NRXN3: variants seen among roughly 807,000 people sequenced by gnomAD.
The protein encoded by NRXN3 is neurexin 3.
In NRXN3, 32 loss-of-function variants were observed where a neutral mutation model predicts 137.6. The observed-to-expected ratio is 0.23, with a 90% CI of 0.18 to 0.31. NRXN3 has a LOEUF of 0.31. Among genes scored for constraint, NRXN3 ranks in the 10% least tolerant of loss-of-function variants. NRXN3 has a pLI of 1.00. For synonymous variants in NRXN3, 798 were observed against 784.5 expected, an observed-to-expected ratio of 1.02 and a Z score of -0.29; for missense variants, 1,574 against 2,062.5, an observed-to-expected ratio of 0.76 and a Z score of 4.59.
chr14:78,806,399 C>T (rs2098869753), intron 9 of NRXN3, among the ~76,000 whole-genome samples: 1 of 152,104 alleles, frequency 6.6e-6, no homozygotes, highest in Admixed American at 6.6e-5. Context: ...ATTTGTGTTT[C>T]ATTTTTCTCA....
At chr14:78,457,328 A>G (rs2094773557) in intron 4 of NRXN3, among the ~76,000 whole-genome samples, 1 of 152,144 alleles carries the variant, frequency 6.6e-6, no homozygotes, top group Non-Finnish European at 1.5e-5. Flanking sequence ...CACCACGCCC[A>G]GCCAGGATTA....
chr14:78,549,901 G>T (rs1189324439), intron 4 of NRXN3, among the ~76,000 whole-genome samples: 7 of 151,936 alleles, frequency 4.6e-5, no homozygotes, highest in Non-Finnish European at 1.0e-4. Flanking sequence ...TGAACATCAA[G>T]CTCCTCCCAC....
At chr14:78,282,554 C>T (rs887244843) in intron 3 of NRXN3, 4 of 168,408 alleles carry the variant, frequency 2.4e-5, no homozygotes, top group Non-Finnish European at 5.2e-5. Context: ...AGGAAATAGG[C>T]CTCCTGCTTC....
chr14:78,515,942 A>C (rs1189921541), intron 4 of NRXN3, among the ~76,000 whole-genome samples: 1 of 152,154 alleles, frequency 6.6e-6, no homozygotes, highest in African/African-American at 2.4e-5. Flanking sequence ...TAAGCACTTT[A>C]ATCCACAGTT....
chr14:78,258,798 G>C (rs2070141212), intron 2 of NRXN3, among the ~76,000 whole-genome samples: 1 of 152,084 alleles, frequency 6.6e-6, no homozygotes, highest in African/African-American at 2.4e-5. Context: ...TATTCATGTT[G>C]GTTTTTCTTC....
chr14:78,576,477 A>G (rs1386300445), intron 4 of NRXN3, among the ~76,000 whole-genome samples: 4 of 152,204 alleles, frequency 2.6e-5, no homozygotes, highest in Non-Finnish European at 4.4e-5. Flanking sequence ...CTACCCAGAG[A>G]AAACTACTAT....
intron 19 of NRXN3, among the ~76,000 whole-genome samples, chr14:79,802,147 T>A (rs1047813708): frequency 6.6e-6 from 1 of 152,234 alleles, no homozygotes; most frequent in African/African-American, 2.4e-5. Context: ...TATGTTTTGG[T>A]TTCTACTGAA....
chr14:78,521,122 A>G, intron 4 of NRXN3, among the ~76,000 whole-genome samples: 1 of 152,142 alleles, frequency 6.6e-6, no homozygotes, highest in East Asian at 1.9e-4. Context: ...TTTATGGGGG[A>G]TCCATTGCAT....
At chr14:79,791,157 C>T (rs1473480696) in intron 19 of NRXN3, 1 of 152,174 alleles carries the variant, frequency 6.6e-6, no homozygotes, top group Admixed American at 6.5e-5. Context: ...GAGCTTTCCT[C>T]ATCAGGCTGA....
At chr14:79,646,742 C>T (rs1419210752) in intron 16 of NRXN3, among the ~76,000 whole-genome samples, 1 of 135,614 alleles carries the variant, frequency 7.4e-6, no homozygotes, top group Admixed American at 7.8e-5. Context: ...GTTTCTCCAT[C>T]TACACTATGC....
rs33919299 is a variant in NRXN3 at position 78,601,457 on chromosome 14, CTT to C, written c.758-43651_758-43650del. On this transcript the variant is annotated intron_variant, in intron 4 of 20. Transcript: ENST00000335750. ...TTCTATAGCCTGAAAAGTACTGATTCTTTTTTTTTTTTTGAGATGGAATCTCA... is the reference window on the plus strand; with the variant it reads ...TTCTATAGCCTGAAAAGTACTGATTCTTTTTTTTTTTGAGATGGAATCTCA... Among the ~76,000 whole-genome samples, 27 of 143,966 alleles carry C rather than the reference CTT, an allele frequency of 1.9e-4. 1 individual carries two copies. The highest frequency in any genetic ancestry group is 6.6e-4 in the African/African-American group (26 of 39,484). 94.4% of individuals were successfully genotyped at this position (143,966 alleles called of 152,430 possible).
chr14:78,226,664 T>C (rs1056525322), intron 1 of NRXN3, among the ~76,000 whole-genome samples: 11 of 152,206 alleles, frequency 7.2e-5, no homozygotes, highest in African/African-American at 2.7e-4. Context: ...AATTATCCAG[T>C]GAGCCCAGAA....
chr14:78,423,731 A>C (rs1395662419), intron 4 of NRXN3, among the ~76,000 whole-genome samples: 3 of 152,218 alleles, frequency 2.0e-5, no homozygotes, highest in African/African-American at 7.2e-5. Flanking sequence ...AGAAAGTATT[A>C]CGTTGGTGCA....
intron 4 of NRXN3, among the ~76,000 whole-genome samples, chr14:78,551,983 T>C (rs2096696108): frequency 6.6e-6 from 1 of 152,184 alleles, no homozygotes. Context: ...TTGGTCGCGA[T>C]ACCCTGGGCA....
intron 4 of NRXN3, among the ~76,000 whole-genome samples, chr14:78,589,214 C>T (rs528015555): frequency 1.3e-5 from 2 of 152,180 alleles, no homozygotes; most frequent in African/African-American, 4.8e-5. Context: ...TGAGCAGATA[C>T]AGGAGCCCTC....
chr14:78,533,906 T>A (rs947463731), intron 4 of NRXN3, among the ~76,000 whole-genome samples: 5 of 152,210 alleles, frequency 3.3e-5, no homozygotes, highest in Non-Finnish European at 5.9e-5. Flanking sequence ...ACTCAGTACA[T>A]CATTTTTTTC....
chr14:78,806,708 C>A (rs1277166082), intron 9 of NRXN3, among the ~76,000 whole-genome samples: 1 of 152,134 alleles, frequency 6.6e-6, no homozygotes, highest in African/African-American at 2.4e-5. Context: ...GAGAAATATC[C>A]TATAACTCAG....
rs1014710038 is a variant in NRXN3, at chr14:79,279,978, G to T, written c.3263-187243G>T. ...TGCCTAGAGATCCGGAGGAAGCCGC[G>T]CCGGTCTTCCCCTGACATGCGTGGC... On this transcript the variant is annotated intron_variant, in intron 15 of 20. Transcript: ENST00000335750. 3.3e-5 allele frequency: 38 copies of T among 1,151,466 alleles called. No homozygotes were observed. The African/African-American group carries it at 6.0e-4, about 18-fold the overall frequency. The allele number at this position is 1,151,466 out of a possible 1,614,324, so 71.3% of individuals were successfully genotyped here.
intron 8 of NRXN3, among the ~76,000 whole-genome samples, chr14:78,758,742 C>T (rs1264829395): frequency 6.6e-6 from 1 of 152,162 alleles, no homozygotes; most frequent in Non-Finnish European, 1.5e-5. Flanking sequence ...TCCCCTTATA[C>T]CTCTAGGGTT....
Sources: gnomAD v4.1 joint callset for allele counts (sites outside exome capture counted in the v4.1 genomes callset) on GRCh38, gnomAD v4.1.1 for gene constraint, MANE v1.5 for transcripts, NCBI Gene and HGNC (gene_info 2026-07-23, HGNC 2026-07-21) for gene names.